The following AUH variants were observed in gnomAD, a reference collection of about 807,000 sequenced individuals.
AUH encodes methylglutaconyl-CoA hydratase, mitochondrial.
Under a neutral mutation model 42.3 loss-of-function variants are expected in AUH, and 29 were observed. The ratio of observed to expected loss-of-function variants is 0.69; its 90% CI spans 0.51 to 0.93. The LOEUF (loss-of-function observed/expected upper bound fraction) is 0.93, where lower values mean the gene tolerates loss of function less well. AUH is among the 40% of genes least tolerant of loss of function. AUH has a pLI of 0.00. For missense variants in AUH, 452 were observed against 438.1 expected (o/e 1.03, Z -0.28); for synonymous variants, 174 against 166.4 (o/e 1.05, Z -0.35).
intron 1 of AUH, 60 bp downstream of exon 1, chr9:91,361,568 C>T: frequency 2.6e-6 from 4 of 1,544,644 alleles, no homozygotes; most frequent in Admixed American, 2.0e-5. Flanking sequence ...GCACCTTATG[C>T]CCGTCCTGAG....
At position 91,297,149 on chromosome 9, in the gene AUH, G is replaced by A. The variant is rs1234836112; in HGVS notation, c.598+835C>T. Among the ~76,000 whole-genome samples, 8 of 152,218 alleles carry A rather than the reference G, an allele frequency of 5.3e-5. No individual in the cohort carries two copies. In the East Asian group the frequency reaches 1.5e-3, roughly 29 times the overall value. On this transcript the variant is annotated intron_variant, in intron 5 of 9. Coordinates refer to ENST00000375731, the MANE Select transcript of AUH (RefSeq NM_001698.3). ...GTTGCTCTCATGAGGTAACAGGTGTGTGGGCTGTGGCCAAACAGTCTGGGT... is the reference window on the plus strand; with the variant it reads ...GTTGCTCTCATGAGGTAACAGGTGTATGGGCTGTGGCCAAACAGTCTGGGT...
At chr9:91,352,565 C>A (rs1416701798) in intron 3 of AUH, among the ~76,000 whole-genome samples, 2 of 151,986 alleles carry the variant, frequency 1.3e-5, no homozygotes, top group African/African-American at 4.8e-5. Context: ...AAGTGAAGTA[C>A]TTAATAATGC....
intron 6 of AUH, among the ~76,000 whole-genome samples, chr9:91,261,969 T>C (rs1483545585): frequency 6.6e-6 from 1 of 152,194 alleles, no homozygotes; most frequent in Non-Finnish European, 1.5e-5. Flanking sequence ...GCAGGCACCT[T>C]TCTCTTGAAT....
At position 91,264,421 on chromosome 9, in the gene AUH, T is replaced by C. The variant is rs564724507; in HGVS notation, c.655+31600A>G. On this transcript the variant is annotated intron_variant, in intron 6 of 9. Coordinates refer to ENST00000375731, the MANE Select transcript of AUH (RefSeq NM_001698.3). ...GATGTTATCCCCAAGTTGTCAACCA[T>C]TGTTTTGCTTCAAGAGTCTTTTGTA... Among the ~76,000 whole-genome samples the C allele has an allele frequency of 6.6e-5, 10 of 152,292 alleles. No homozygotes were observed. In the South Asian group the frequency reaches 8.3e-4, roughly 13 times the overall value.
At chr9:91,266,681 A>C (rs1474929605) in intron 6 of AUH, among the ~76,000 whole-genome samples, 2 of 152,214 alleles carry the variant, frequency 1.3e-5, no homozygotes, top group Non-Finnish European at 2.9e-5. Context: ...GGTTCACAGA[A>C]TAATGGTCCA....
intron 3 of AUH, among the ~76,000 whole-genome samples, chr9:91,347,412 C>T (rs1831603962): frequency 6.6e-6 from 1 of 152,132 alleles, no homozygotes; most frequent in African/African-American, 2.4e-5. Context: ...CATAGGGAGA[C>T]ATGAATGACT....
chr9:91,228,656 T>C (rs1229457599), intron 6 of AUH, among the ~76,000 whole-genome samples: 4 of 147,776 alleles, frequency 2.7e-5, no homozygotes, highest in African/African-American at 1.0e-4. Flanking sequence ...AGGGTGTCAA[T>C]TTTGGATCTT....
At chr9:91,279,054 T>C (rs887155454) in intron 6 of AUH, among the ~76,000 whole-genome samples, 5 of 152,208 alleles carry the variant, frequency 3.3e-5, no homozygotes, top group African/African-American at 7.2e-5. Flanking sequence ...CATGGGTGTA[T>C]ATATGCCAAA....
chr9:91,325,070 C>T (rs1442732389), intron 4 of AUH, among the ~76,000 whole-genome samples: 2 of 151,916 alleles, frequency 1.3e-5, no homozygotes, highest in East Asian at 3.8e-4. Flanking sequence ...AGGCTTATGG[C>T]AAATTATTAT....
At chr9:91,309,417 T>G (rs750356092) in intron 4 of AUH, among the ~76,000 whole-genome samples, 1 of 152,188 alleles carries the variant, frequency 6.6e-6, no homozygotes, top group Non-Finnish European at 1.5e-5. Context: ...TTTTCTTCAC[T>G]TGGCTTTTGG....
At chr9:91,347,234 T>A (rs560097111) in intron 3 of AUH, among the ~76,000 whole-genome samples, 5 of 151,964 alleles carry the variant, frequency 3.3e-5, no homozygotes, top group African/African-American at 1.2e-4. Flanking sequence ...GTTTGTTTGT[T>A]TGTTTGTTTT....
intron 3 of AUH, among the ~76,000 whole-genome samples, chr9:91,334,957 A>C (rs959661983): frequency 4.6e-5 from 7 of 152,214 alleles, no homozygotes; most frequent in Non-Finnish European, 1.0e-4. Context: ...TTAACCTGCA[A>C]GCAAATCTGG....
intron 6 of AUH, among the ~76,000 whole-genome samples, chr9:91,249,456 T>C (rs1224935537): frequency 2.6e-5 from 4 of 151,928 alleles, no homozygotes; most frequent in Non-Finnish European, 5.9e-5. Flanking sequence ...TCTTTTCCTG[T>C]AACCTCACCC....
chr9:91,232,763 G>C (rs1307425609), intron 6 of AUH, among the ~76,000 whole-genome samples: 1 of 152,240 alleles, frequency 6.6e-6, no homozygotes, highest in Non-Finnish European at 1.5e-5. Flanking sequence ...TGGAGGTTCT[G>C]ATTCAGTGAG....
chr9:91,299,571 T>C (rs1359203072), intron 4 of AUH, among the ~76,000 whole-genome samples: 1 of 152,096 alleles, frequency 6.6e-6, no homozygotes, highest in East Asian at 1.9e-4. Flanking sequence ...AAATTCAAAA[T>C]GTGCTTTCCA....
At chr9:91,293,472 G>A (rs1261166993) in intron 6 of AUH, among the ~76,000 whole-genome samples, 3 of 152,212 alleles carry the variant, frequency 2.0e-5, no homozygotes, top group Non-Finnish European at 4.4e-5. Context: ...CCGTAAAGAA[G>A]ATCAAACTAG....
At chr9:91,305,817 C>A (rs552125100) in intron 4 of AUH, among the ~76,000 whole-genome samples, 10 of 152,184 alleles carry the variant, frequency 6.6e-5, no homozygotes, top group Non-Finnish European at 1.5e-4. Context: ...AGTCTGAGCA[C>A]AGGCTGTCTG....
At chr9:91,234,626 A>G (rs1669958764) in intron 6 of AUH, among the ~76,000 whole-genome samples, 1 of 151,972 alleles carries the variant, frequency 6.6e-6, no homozygotes, top group African/African-American at 2.4e-5. Flanking sequence ...TTTTCCAAAT[A>G]AAGCTTATTT....
chr9:91,359,690 C>T (rs895498737), intron 1 of AUH, among the ~76,000 whole-genome samples: 15 of 152,104 alleles, frequency 9.9e-5, no homozygotes, highest in African/African-American at 3.6e-4. Flanking sequence ...CTACTTACCC[C>T]CACCCACCTA....
Sources: gnomAD v4.1 joint callset for allele counts (sites outside exome capture counted in the v4.1 genomes callset) on GRCh38, gnomAD v4.1.1 for gene constraint, MANE v1.5 for transcripts, NCBI Gene and HGNC (gene_info 2026-07-23, HGNC 2026-07-21) for gene names.